ABCC6: variants seen among roughly 807,000 people sequenced by gnomAD.
ABCC6 encodes ATP-binding cassette sub-family C member 6.
ABCC6 carries 126 observed loss-of-function variants against 169.5 expected under a neutral mutation model. The observed-to-expected ratio is 0.74, with a 90% confidence interval of 0.64 to 0.86. The LOEUF (loss-of-function observed/expected upper bound fraction) is 0.86. Ranked by LOEUF, ABCC6 falls within the 40% of genes least tolerant of loss-of-function variation. The pLI is 0.00. For synonymous variants in ABCC6, 752 were observed against 814.7 expected (o/e 0.92, Z 1.31); for missense variants, 1,733 against 1,927.2 (o/e 0.90, Z 1.89).
rs774648925 is a variant in ABCC6 at position 16,190,210 on chromosome 16, A to G, written c.1589T>C (p.Leu530Pro). Reference protein sequence around the residue: ...QELGALRTSGLLFSVSLVSFQ... With the variant: ...QELGALRTSGPLFSVSLVSFQ... ...GGACACCAGCGACACAGAGAAGAGGAGGCCGGAGGTCCGCAAGGCGCCCAG... is the reference window on the plus strand; with the variant it reads ...GGACACCAGCGACACAGAGAAGAGGGGGCCGGAGGTCCGCAAGGCGCCCAG... The change falls in exon 12 of 31, where the codon CTC becomes CCC. Residue 530 changes from leucine (L) to proline (P), a missense_variant. Transcript: ENST00000205557. 6.2e-7 allele frequency: 1 copy of G among 1,613,892 alleles called. No homozygotes were observed. Among genetic ancestry groups the G allele is most frequent in the Non-Finnish European group, 8.5e-7 (1 of 1,179,990 alleles).
chr16:16,163,299 TA>T, intron 23 of ABCC6, 107 bp from the exon 24 acceptor site: 1 of 1,074,040 alleles, frequency 9.3e-7, no homozygotes, highest in Non-Finnish European at 1.4e-6. Context: ...CAGGATCTGT[TA>T]ACAGCTTACT....
At chr16:16,177,930 A>G (rs2047335584) in intron 18 of ABCC6, among the ~76,000 whole-genome samples, 1 of 151,670 alleles carries the variant, frequency 6.6e-6, no homozygotes, top group Non-Finnish European at 1.5e-5. Flanking sequence ...GTGACAGAGC[A>G]AGACTCTGTC....
intron 22 of ABCC6, among the ~76,000 whole-genome samples, chr16:16,167,778 A>AT (rs1396620080): frequency 6.6e-6 from 1 of 152,068 alleles, no homozygotes; most frequent in African/African-American, 2.4e-5. Context: ...CTGGAGCTGA[A>AT]TTTTTTATTC....
chr16:16,166,040 C>T, intron 22 of ABCC6, 107 bp from the exon 23 acceptor site: 1 of 1,096,848 alleles, frequency 9.1e-7, no homozygotes, highest in Non-Finnish European at 1.3e-6. Flanking sequence ...CATCTTATGG[C>T]TTGGCCACCC....
In ABCC6 at chr16:16,157,810, C is replaced by T. The variant is rs63750273; in HGVS notation, c.3736-1G>A. ...CACATGTGGGCAGCCTCCAGGGAGC[C>T]TGGAGCAGGAGGGGAAACTGAGTCA... On this transcript the variant is annotated splice_acceptor_variant, in intron 26 of 30. Coordinates refer to ENST00000205557, the MANE Select transcript of ABCC6 (RefSeq NM_001171.6). LOFTEE classifies it high-confidence loss of function. 26 of 1,609,794 alleles carry T rather than the reference C, an allele frequency of 1.6e-5. No individual in the cohort carries two copies. Among genetic ancestry groups the T allele is most frequent in the Non-Finnish European group, 1.9e-5 (22 of 1,179,454 alleles).
At chr16:16,161,669 G>A (rs1305359407) in intron 24 of ABCC6, 105 bp from the exon 25 acceptor site, 14 of 1,511,732 alleles carry the variant, frequency 9.3e-6, no homozygotes, top group Admixed American at 3.7e-5. Context: ...ACACACAGGG[G>A]TCCCAGCAAT....
chr16:16,213,222 G>T (rs2048706928), intron 5 of ABCC6, among the ~76,000 whole-genome samples: 1 of 151,692 alleles, frequency 6.6e-6, no homozygotes, highest in African/African-American at 2.4e-5. Flanking sequence ...GAGCTACTCT[G>T]TAGTGGGACT....
Position 16,162,184 on chromosome 16 carries a change from G to A in ABCC6, c.3507-620C>T, listed in dbSNP as rs140741199. On this transcript the variant is annotated intron_variant, in intron 24 of 30. Coordinates refer to ENST00000205557, the MANE Select transcript of ABCC6 (RefSeq NM_001171.6). ...TTCTTTATAAATTACTCAGTCTCAGGTAGTTCTTTTTAGCAGTGTGAAGAT... is the reference window on the plus strand; with the variant it reads ...TTCTTTATAAATTACTCAGTCTCAGATAGTTCTTTTTAGCAGTGTGAAGAT... Among the ~76,000 whole-genome samples, 1,375 of 152,262 alleles carry A rather than the reference G, an allele frequency of 9.0e-3. 14 individuals carry two copies. The highest frequency in any genetic ancestry group is 0.038 in the South Asian group (182 of 4,824).
In ABCC6 at chr16:16,202,110, A is replaced by G. The variant is rs1223848059; in HGVS notation, c.1067T>C (p.Met356Thr). Residue 356 changes from methionine to threonine, a missense_variant, in exon 9 of 31, where the codon ATG becomes ACG. Around this residue, in one of 5 missense-constraint regions of ABCC6, gnomAD observed 1,601 missense variants for 1,635.5 expected, o/e 0.98. Coordinates refer to ENST00000205557, the MANE Select transcript of ABCC6 (RefSeq NM_001171.6). Reference protein sequence around the residue: ...AWKGYLLAVLMFLSACLQTLF... With the variant: ...AWKGYLLAVLTFLSACLQTLF... ...CGTTTGCAGGCAGGCTGAGAGGAAC[A>G]TCAGCACGGCGAGGAGGTAGCCCTT... 42 of 1,613,874 alleles carry G rather than the reference A, an allele frequency of 2.6e-5. No individual in the cohort carries two copies. Among genetic ancestry groups the G allele is most frequent in the Non-Finnish European group, 3.5e-5 (41 of 1,179,880 alleles).
intron 29 of ABCC6, among the ~76,000 whole-genome samples, chr16:16,153,648 G>A (rs1026929353): frequency 1.3e-5 from 2 of 152,066 alleles, no homozygotes; most frequent in African/African-American, 4.8e-5. Context: ...AGATGGGCCC[G>A]GCGTGGCTGC....
At chr16:16,168,295 A>AGGCCGGGCCTGGTGGCTCAT (rs370962344) in intron 22 of ABCC6, among the ~76,000 whole-genome samples, 61 of 151,676 alleles carry the variant, frequency 4.0e-4, no homozygotes, top group South Asian at 6.3e-4. Context: ...GTTTGAGACC[A>AGGCCGGGCCTGGTGGCTCAT]GCCTGGGCAA....
At chr16:16,169,909 G>T in intron 21 of ABCC6, 56 bp from the exon 22 acceptor site, 1 of 1,528,206 alleles carries the variant, frequency 6.5e-7, no homozygotes, top group South Asian at 1.2e-5. Flanking sequence ...GGAGGGGTGG[G>T]TTGAGGCAAG....
intron 8 of ABCC6, among the ~76,000 whole-genome samples, chr16:16,202,622 G>T (rs1225653481): frequency 6.6e-6 from 1 of 151,780 alleles, no homozygotes; most frequent in Non-Finnish European, 1.5e-5. Flanking sequence ...ACCAGGGGGC[G>T]CAAACAGAGG....
chr16:16,149,830 C>T lies in ABCC6; in HGVS notation c.*303G>A, dbSNP rs1424498341. 4 of 509,914 alleles carry T rather than the reference C, an allele frequency of 7.8e-6. No individual in the cohort carries two copies. The highest frequency in any genetic ancestry group is 4.2e-5 in the South Asian group (2 of 47,478). 31.6% of individuals were successfully genotyped at this position (509,914 alleles called of 1,614,324 possible). ...TTAAGGGTCTAGCCGGGAGCCTGGG[C>T]ATGTGCTTGAGGCCCCCAGGTGAGT... On this transcript the variant is annotated 3_prime_UTR_variant, in exon 31 of 31. Transcript: ENST00000205557.
chr16:16,196,326 T>G (rs1304822893), intron 10 of ABCC6, among the ~76,000 whole-genome samples: 4 of 152,184 alleles, frequency 2.6e-5, no homozygotes, highest in East Asian at 3.8e-4. Context: ...CCTGTTTGCT[T>G]AGTATGGTCT....
intron 7 of ABCC6, 150 bp from the exon 8 acceptor site, chr16:16,203,763 C>T: frequency 1.1e-6 from 1 of 923,302 alleles, no homozygotes. Context: ...TCCTTATCAC[C>T]CTGAGTACCC....
At position 16,190,334 on chromosome 16, in the gene ABCC6, G is replaced by A. The variant is rs754360599; in HGVS notation, c.1465C>T (p.Arg489Trp). Reference protein sequence around the residue: ...EQMRQKDSRARLTSSILRNSK... With the variant: ...EQMRQKDSRAWLTSSILRNSK... ...TTCCTGAGGATAGAGCTGGTGAGCCGTGCCCGTGAGTCCTTCTGCCTCATT... is the reference window on the plus strand; with the variant it reads ...TTCCTGAGGATAGAGCTGGTGAGCCATGCCCGTGAGTCCTTCTGCCTCATT... Residue 489 changes from arginine to tryptophan, a missense_variant, in exon 12 of 31, where the codon CGG (arginine) becomes TGG (tryptophan). Arg to Trp is a moderately radical substitution (Grantham distance 101, BLOSUM62 -3). Around this residue, in one of 5 missense-constraint regions of ABCC6, gnomAD observed 1,601 missense variants for 1,635.5 expected, o/e 0.98. Transcript: ENST00000205557. 41 of 1,614,064 alleles carry A rather than the reference G, an allele frequency of 2.5e-5. No homozygotes were observed. The Admixed American group carries it at 2.8e-4, about 11-fold the overall frequency.
intron 10 of ABCC6, 148 bp from the exon 11 acceptor site, chr16:16,193,070 G>T (rs1015481904): frequency 1.6e-5 from 11 of 668,196 alleles, no homozygotes; most frequent in Non-Finnish European, 2.6e-5. Context: ...TTAGGGTATT[G>T]TAAGTCACAG....
intron 20 of ABCC6, 32 bp from the exon 21 acceptor site, chr16:16,173,436 G>GTATC: frequency 6.2e-7 from 1 of 1,614,006 alleles, no homozygotes. Flanking sequence ...GACAAAGTCA[G>GTATC]TATCTCTCCC....
Sources: gnomAD v4.1 joint callset for allele counts (sites outside exome capture counted in the v4.1 genomes callset) on GRCh38, gnomAD v4.1.1 for gene constraint, gnomAD v4.1.1 regional missense constraint, MANE v1.5 for transcripts, NCBI Gene and HGNC (gene_info 2026-07-23, HGNC 2026-07-21) for gene names.